The following DENND1B variants were observed in gnomAD, a reference collection of about 807,000 sequenced individuals.
DENND1B encodes DENN domain-containing protein 1B.
DENND1B carries 59 observed loss-of-function variants against 90.1 expected under a neutral mutation model. The observed-to-expected ratio is 0.65, with a 90% CI of 0.53 to 0.81. The LOEUF is 0.81. DENND1B is among the 40% of genes least tolerant of loss of function. The pLI is 0.00. For synonymous variants in DENND1B, 337 were observed against 324.6 expected (o/e 1.04, Z -0.41); for missense variants, 862 against 912.6 (o/e 0.94, Z 0.71).
rs755136759 is a variant in DENND1B at position 197,645,738 on chromosome 1, G to C, written c.513C>G (p.Ser171=). The change falls in exon 9 of 23, where the codon TCC becomes TCG. Residue 171 remains serine, a synonymous_variant. Coordinates refer to ENST00000620048, the MANE Select transcript of DENND1B (RefSeq NM_001195215.2). ...LKDQPALVPH[S]YFIAPDVTGL... Reference sequence around the variant, plus strand: ...CAGTTACATCAGGGGCAATGAAGTAGGAATGCTAATCAATACAAATAAATC... The same window carrying C: ...CAGTTACATCAGGGGCAATGAAGTACGAATGCTAATCAATACAAATAAATC... The C allele has an allele frequency of 6.4e-7, 1 of 1,566,568 alleles. No homozygotes were observed. The highest frequency in any genetic ancestry group is 2.3e-5 in the East Asian group (1 of 43,106).
intron 20 of DENND1B, among the ~76,000 whole-genome samples, chr1:197,537,595 T>C (rs1558213477): frequency 6.6e-6 from 1 of 152,070 alleles, no homozygotes; most frequent in Non-Finnish European, 1.5e-5. Context: ...AGATAATAGA[T>C]GTGTTAATTT....
intron 20 of DENND1B, among the ~76,000 whole-genome samples, chr1:197,518,975 G>T (rs533873657): frequency 6.6e-6 from 1 of 151,974 alleles, no homozygotes; most frequent in African/African-American, 2.4e-5. Flanking sequence ...CCATTCATAG[G>T]TTCTATTTTT....
intron 3 of DENND1B, among the ~76,000 whole-genome samples, chr1:197,714,805 T>C (rs1275925604): frequency 6.6e-6 from 1 of 152,140 alleles, no homozygotes; most frequent in Non-Finnish European, 1.5e-5. Context: ...ATCTAGCTCC[T>C]ATGAGTTTCA....
Position 197,733,984 on chromosome 1 carries a change from G to A in DENND1B, c.83-18910C>T, listed in dbSNP as rs995613002. 4 of 614,206 alleles carry A rather than the reference G, an allele frequency of 6.5e-6. No individual in the cohort carries two copies. The African/African-American group carries it at 8.0e-5, about 12-fold the overall frequency. 38.0% of individuals were successfully genotyped at this position (614,206 alleles called of 1,614,324 possible). On this transcript the variant is annotated intron_variant, in intron 2 of 22. Coordinates refer to ENST00000620048, the MANE Select transcript of DENND1B (RefSeq NM_001195215.2). ...TAATCTCTTGCATTTAAAAATCTGT[G>A]CAACTAAAAGATACATTCAAAAAAT... is the stretch of plus-strand genomic sequence containing the variant.
At chr1:197,538,381 C>G (rs1172824702) in intron 20 of DENND1B, among the ~76,000 whole-genome samples, 1 of 152,090 alleles carries the variant, frequency 6.6e-6, no homozygotes, top group Admixed American at 6.5e-5. Context: ...CAGTTAACAG[C>G]AGTAACAAGA....
intron 2 of DENND1B, among the ~76,000 whole-genome samples, chr1:197,762,570 T>TA (rs1655217200): frequency 6.6e-6 from 1 of 152,196 alleles, no homozygotes; most frequent in African/African-American, 2.4e-5. Context: ...GCAGCTAAAA[T>TA]CCATGTATTT....
intron 13 of DENND1B, among the ~76,000 whole-genome samples, chr1:197,600,206 A>G (rs1376918302): frequency 1.3e-5 from 2 of 151,854 alleles, no homozygotes; most frequent in East Asian, 3.9e-4. Flanking sequence ...CAGTTTGGCT[A>G]AAATTATTTT....
At chr1:197,552,218 G>A (rs1444213514) in intron 16 of DENND1B, 1 of 982,180 alleles carries the variant, frequency 1.0e-6, no homozygotes, top group Admixed American at 6.2e-5. Flanking sequence ...TTAAAAAATT[G>A]CTATTATACC....
chr1:197,694,883 T>C (rs890326480), intron 3 of DENND1B, among the ~76,000 whole-genome samples: 3 of 151,268 alleles, frequency 2.0e-5, no homozygotes, highest in African/African-American at 7.3e-5. Context: ...AAAAATAAGG[T>C]CATTTGTACA....
chr1:197,550,396 A>T (rs1477424302), intron 16 of DENND1B, among the ~76,000 whole-genome samples: 1 of 152,122 alleles, frequency 6.6e-6, no homozygotes, highest in Non-Finnish European at 1.5e-5. Context: ...TGAGCTGAAT[A>T]CTCAATAAAA....
intron 10 of DENND1B, among the ~76,000 whole-genome samples, chr1:197,640,876 G>A (rs1199256246): frequency 1.3e-5 from 2 of 152,120 alleles, no homozygotes; most frequent in African/African-American, 2.4e-5. Context: ...GAAACCCAAG[G>A]CAGGAGGATC....
intron 15 of DENND1B, among the ~76,000 whole-genome samples, chr1:197,567,946 G>A (rs924014931): frequency 6.6e-6 from 1 of 151,134 alleles, no homozygotes; most frequent in African/African-American, 2.4e-5. Context: ...CCTAGTTAGA[G>A]CAATTCATGA....
At chr1:197,776,522 G>A (rs1019851382), upstream of DENND1B, among the ~76,000 whole-genome samples, 4 of 152,178 alleles carry the variant, frequency 2.6e-5, no homozygotes, top group Non-Finnish European at 5.9e-5. Flanking sequence ...TTGACACATA[G>A]CCACAGTGTT....
chr1:197,511,829 G>C lies in DENND1B; in HGVS notation c.1714C>G (p.Leu572Val), dbSNP rs372013667. 3.2e-5 allele frequency: 52 copies of C among 1,611,256 alleles called. No homozygotes were observed. Among genetic ancestry groups the C allele is most frequent in the Non-Finnish European group, 4.2e-5 (50 of 1,178,316 alleles). The stretch of plus-strand genomic sequence containing the variant: ...GAGCTGTGTGTGCTCAATGTATCAA[G>C]AATCTCTCCTAGTAAGTCCATTTCA... The part of the protein sequence containing the change: ...SGEMDLLGEI[L>V]DTLSTHSSDQ... Residue 572 changes from leucine (L) to valine (V), a missense_variant, in exon 22 of 23, where the codon CTT becomes GTT. Physicochemically the swap from Leu to Val is conservative, Grantham distance 32. Transcript: ENST00000620048.
intron 3 of DENND1B, among the ~76,000 whole-genome samples, chr1:197,704,880 G>A (rs530382858): frequency 1.3e-5 from 2 of 151,888 alleles, no homozygotes; most frequent in South Asian, 2.1e-4. Context: ...AAGAGTAAAC[G>A]CTTTTGAGTC....
At chr1:197,752,531 A>G (rs765815942) in intron 2 of DENND1B, among the ~76,000 whole-genome samples, 75 of 152,192 alleles carry the variant, frequency 4.9e-4, no homozygotes, top group South Asian at 1.0e-3. Context: ...TAATTGTAAT[A>G]AAGCAATTTT....
intron 22 of DENND1B, 24 bp downstream of exon 22, chr1:197,511,704 A>G: frequency 6.5e-7 from 1 of 1,542,088 alleles, no homozygotes; most frequent in Non-Finnish European, 8.8e-7. Flanking sequence ...TTCTAATTTT[A>G]TAAGTAAAAA....
chr1:197,759,326 T>C (rs932903109), intron 2 of DENND1B, among the ~76,000 whole-genome samples: 1 of 147,768 alleles, frequency 6.8e-6, no homozygotes, highest in Non-Finnish European at 1.5e-5. Context: ...TATAAAATAA[T>C]AAAAAGAAGC....
intron 3 of DENND1B, chr1:197,688,904 A>G (rs1176887796): frequency 9.3e-6 from 2 of 215,282 alleles, no homozygotes; most frequent in Non-Finnish European, 2.0e-5. Context: ...GACTGCTGAG[A>G]TGGGAAAGGG....
Sources: allele counts gnomAD v4.1 joint callset (sites outside exome capture counted in the v4.1 genomes callset), GRCh38; gene constraint gnomAD v4.1.1; transcripts MANE v1.5; gene names NCBI Gene and HGNC (gene_info 2026-07-23, HGNC 2026-07-21).